The following VAPB variants were observed in gnomAD, a reference collection of about 807,000 sequenced individuals.
VAPB encodes VAMP associated protein B and C, also known as vesicle-associated membrane protein-associated protein B/C.
In VAPB, 7 loss-of-function variants were observed where a neutral mutation model predicts 25.6. The observed-to-expected ratio is 0.27, with a 90% CI of 0.16 to 0.51. VAPB has a LOEUF of 0.51. VAPB is among the 20% of genes least tolerant of loss of function. The pLI is 0.97. For missense variants in VAPB, 266 were observed against 301.3 expected, an observed-to-expected ratio of 0.88 and a Z score of 0.87; for synonymous variants, 112 against 109.2, an observed-to-expected ratio of 1.03 and a Z score of -0.16.
intron 1 of VAPB, among the ~76,000 whole-genome samples, chr20:58,413,539 C>T (rs1988432937): frequency 1.3e-5 from 2 of 152,140 alleles, no homozygotes; most frequent in Admixed American, 6.5e-5. Flanking sequence ...TCTCCCATGT[C>T]TACTTCTTTC....
In VAPB at chr20:58,448,381, A is replaced by G. The variant is rs555964018; in HGVS notation, c.*4146A>G. Reference sequence around the variant, plus strand: ...ATCTGCTCTGATAGGAACCTTTTCAAGAAAGTTACTGTTGTTTCAATGCCA... The same window carrying G: ...ATCTGCTCTGATAGGAACCTTTTCAGGAAAGTTACTGTTGTTTCAATGCCA... On this transcript the variant is annotated 3_prime_UTR_variant, in exon 6 of 6. Coordinates refer to ENST00000475243, the MANE Select transcript of VAPB (RefSeq NM_004738.5). The G allele has an allele frequency of 4.4e-6, 2 of 454,102 alleles. No homozygotes were observed. The highest frequency in any genetic ancestry group is 8.8e-6 in the Non-Finnish European group (2 of 226,786). 28.1% of individuals were successfully genotyped at this position (454,102 alleles called of 1,614,324 possible).
chr20:58,389,631 C>A (rs1311564632), intron 1 of VAPB, 114 bp downstream of exon 1: 1 of 1,164,446 alleles, frequency 8.6e-7, no homozygotes, highest in Non-Finnish European at 1.1e-6. Flanking sequence ...ACGGCGCTGT[C>A]GCGGGGGGCG....
At chr20:58,434,008 G>T (rs1174173775) in intron 2 of VAPB, among the ~76,000 whole-genome samples, 3 of 152,116 alleles carry the variant, frequency 2.0e-5, no homozygotes, top group Non-Finnish European at 4.4e-5. Flanking sequence ...TCCTCTGTGT[G>T]AGATTTCTCT....
chr20:58,417,506 A>T (rs1988569552), intron 1 of VAPB, among the ~76,000 whole-genome samples: 1 of 152,258 alleles, frequency 6.6e-6, no homozygotes, highest in Non-Finnish European at 1.5e-5. Flanking sequence ...TAATAGTAAT[A>T]AAAAGTATCT....
intron 1 of VAPB, among the ~76,000 whole-genome samples, chr20:58,396,918 TG>T (rs11475525): frequency 0.21 from 32,426 of 152,118 alleles, 3,977 homozygotes; most frequent in African/African-American, 0.32. Context: ...CACTAGTAAA[TG>T]GTGGCACAGG....
chr20:58,407,726 T>G (rs1320527693), intron 1 of VAPB, among the ~76,000 whole-genome samples: 1 of 152,120 alleles, frequency 6.6e-6, no homozygotes, highest in East Asian at 1.9e-4. Context: ...CTAGATCACT[T>G]AATGTAGTGT....
At chr20:58,392,182 T>G (rs555804683) in intron 1 of VAPB, among the ~76,000 whole-genome samples, 1 of 152,360 alleles carries the variant, frequency 6.6e-6, no homozygotes, top group Non-Finnish European at 1.5e-5. Flanking sequence ...ATGATGCTCG[T>G]GTCCACGTTG....
chr20:58,412,209 T>C (rs1414024823), intron 1 of VAPB, among the ~76,000 whole-genome samples: 1 of 152,202 alleles, frequency 6.6e-6, no homozygotes, highest in African/African-American at 2.4e-5. Context: ...TTTTATTCTG[T>C]CATCCTGTAG....
At chr20:58,399,493 G>C (rs901503345) in intron 1 of VAPB, among the ~76,000 whole-genome samples, 1 of 151,998 alleles carries the variant, frequency 6.6e-6, no homozygotes, top group African/African-American at 2.4e-5. Flanking sequence ...GGGGTGGGTG[G>C]ATCGCTTGAG....
intron 3 of VAPB, among the ~76,000 whole-genome samples, chr20:58,436,327 C>CTTTTT (rs57100987): frequency 0.024 from 2,741 of 113,672 alleles, 66 homozygotes; most frequent in Non-Finnish European, 0.03. Flanking sequence ...GTTTTTCTTC[C>CTTTTT]TTTTTTTTTT....
chr20:58,412,183 T>A (rs1227351687), intron 1 of VAPB, among the ~76,000 whole-genome samples: 1 of 152,194 alleles, frequency 6.6e-6, no homozygotes, highest in East Asian at 1.9e-4. Context: ...CATCTCCAAA[T>A]CCAAGGCCAT....
At position 58,450,079 on chromosome 20, in the gene VAPB, G is replaced by A. The variant is rs1430969458; in HGVS notation, c.*5844G>A. On this transcript the variant is annotated 3_prime_UTR_variant, in exon 6 of 6. Coordinates refer to ENST00000475243, the MANE Select transcript of VAPB (RefSeq NM_004738.5). ...AATGAGTGTGCACGTTTCACACGTT[G>A]ACTTGCCGGTTTTTCCATGTCATAC... 4.4e-6 allele frequency: 2 copies of A among 453,960 alleles called. No homozygotes were observed. Among genetic ancestry groups the A allele is most frequent in the Non-Finnish European group, 8.8e-6 (2 of 226,796 alleles). The allele number at this position is 453,960 out of a possible 1,614,324, so 28.1% of individuals were successfully genotyped here. A position where few individuals can be genotyped will look rare whatever the true frequency, so the allele number is the denominator to read the frequency against.
At chr20:58,417,832 G>C (rs1250474419) in intron 1 of VAPB, among the ~76,000 whole-genome samples, 1 of 152,176 alleles carries the variant, frequency 6.6e-6, no homozygotes, top group Non-Finnish European at 1.5e-5. Flanking sequence ...GCATGGGTAA[G>C]AACTGGCCTT....
At position 58,444,161 on chromosome 20, in the gene VAPB, C is replaced by T. The variant is rs142370781; in HGVS notation, c.658C>T (p.Leu220Phe). 1 of 1,614,158 alleles carries T rather than the reference C, an allele frequency of 6.2e-7. No individual in the cohort carries two copies. Among genetic ancestry groups the T allele is most frequent in the South Asian group, 1.1e-5 (1 of 91,080 alleles). ...ALAPTGKEEG[L>F]STRLLALVVL... ...AGCCCCAACTGGGAAGGAAGAAGGC[C>T]TTAGCACCCGGCTCTTGGCTCTGGT... Residue 220 changes from leucine to phenylalanine, a missense_variant, in exon 6 of 6, where the codon CTT (leucine) becomes TTT (phenylalanine). This residue lies in a region of VAPB where 136 missense variants were observed against 130.7 expected (regional missense o/e 1.04). Coordinates refer to ENST00000475243, the MANE Select transcript of VAPB (RefSeq NM_004738.5).
intron 1 of VAPB, among the ~76,000 whole-genome samples, chr20:58,406,771 T>A (rs974796446): frequency 1.3e-5 from 2 of 152,214 alleles, no homozygotes; most frequent in East Asian, 3.8e-4. Context: ...TGGGACCCCA[T>A]GCTATTTTAT....
chr20:58,413,130 A>G (rs6070460), intron 1 of VAPB, among the ~76,000 whole-genome samples: 2,935 of 113,460 alleles, frequency 0.026, 46 homozygotes, highest in Middle Eastern at 0.039. Flanking sequence ...CTGGTATTGT[A>G]TTTGCCTTCT....
Position 58,448,810 on chromosome 20 carries a change from T to C in VAPB, c.*4575T>C, listed in dbSNP as rs969620861. The C allele has an allele frequency of 1.5e-5, 7 of 454,034 alleles. No individual in the cohort carries two copies. The highest frequency in any genetic ancestry group is 1.4e-4 in the African/African-American group (7 of 50,014). The allele number at this position is 454,034 out of a possible 1,614,324, so 28.1% of individuals were successfully genotyped here. ...AAAAGGTACATATTCCATTTTCTCA[T>C]TGCCTGAAGATCTCTGCTGATGCTC... is the stretch of plus-strand genomic sequence containing the variant. On this transcript the variant is annotated 3_prime_UTR_variant, in exon 6 of 6. Transcript: ENST00000475243.
At chr20:58,421,706 GAA>G (rs1458337862) in intron 2 of VAPB, among the ~76,000 whole-genome samples, 2 of 152,084 alleles carry the variant, frequency 1.3e-5, no homozygotes, top group African/African-American at 2.4e-5. Context: ...GGGAAGGAAA[GAA>G]AGAGAGGAGG....
At chr20:58,392,591 A>G (rs551633977) in intron 1 of VAPB, among the ~76,000 whole-genome samples, 3 of 152,362 alleles carry the variant, frequency 2.0e-5, no homozygotes, top group African/African-American at 7.2e-5. Flanking sequence ...AGGATGAGAA[A>G]TGGCACATTT....
Sources: allele counts gnomAD v4.1 joint callset (sites outside exome capture counted in the v4.1 genomes callset), GRCh38; gene constraint gnomAD v4.1.1; regional missense constraint gnomAD v4.1.1; transcripts MANE v1.5; gene names NCBI Gene and HGNC (gene_info 2026-07-23, HGNC 2026-07-21).